Variants in COL13A1 observed in about 807,000 individuals in gnomAD.
The protein encoded by COL13A1 is collagen alpha-1(XIII) chain.
Under a neutral mutation model 130.9 loss-of-function variants are expected in COL13A1, and 89 were observed. The ratio of observed to expected loss-of-function variants is 0.68; its 90% CI spans 0.57 to 0.81. The LOEUF (loss-of-function observed/expected upper bound fraction) is 0.81. Ranked by LOEUF, COL13A1 falls within the 30% of genes least tolerant of loss-of-function variation. The pLI is 0.00. For synonymous variants in COL13A1, 402 were observed against 341.6 expected, an observed-to-expected ratio of 1.18 and a Z score of -1.95; for missense variants, 879 against 934.6, an observed-to-expected ratio of 0.94 and a Z score of 0.78.
chr10:69,902,475 C>G (rs757261909), intron 14 of COL13A1, among the ~76,000 whole-genome samples: 2 of 152,152 alleles, frequency 1.3e-5, no homozygotes, highest in African/African-American at 4.8e-5. Flanking sequence ...CTGCCTCTGC[C>G]CCCCCGCAGA....
chr10:69,824,331 T>G (rs1589257727), intron 2 of COL13A1, among the ~76,000 whole-genome samples: 1 of 152,360 alleles, frequency 6.6e-6, no homozygotes, highest in Non-Finnish European at 1.5e-5. Context: ...GGGGCACATT[T>G]GTGGCCAGGC....
intron 10 of COL13A1, among the ~76,000 whole-genome samples, chr10:69,891,498 C>T (rs949614441): frequency 4.6e-5 from 7 of 152,160 alleles, no homozygotes; most frequent in African/African-American, 1.2e-4. Flanking sequence ...GAAGAGCTGG[C>T]GCTGGAATCC....
chr10:69,894,566 C>T lies in COL13A1; in HGVS notation c.618C>T (p.Pro206=). The T allele has an allele frequency of 1.2e-5, 20 of 1,613,988 alleles. No homozygotes were observed. The highest frequency in any genetic ancestry group is 2.7e-5 in the African/African-American group (2 of 75,042). The change falls in exon 11 of 41, where the codon CCC becomes CCT. Residue 206 remains proline, a synonymous_variant. Coordinates refer to ENST00000645393, the MANE Select transcript of COL13A1 (RefSeq NM_001368882.1). The part of the protein sequence containing the change: ...GPKGDMGLTG[P]PGQPGPQGQK... ...GCTTCCCACAGGGTCTGACGGGTCC[C>T]CCAGGACAGCCGGTTGGTACCTCAT...
intron 38 of COL13A1, 54 bp from the exon 39 acceptor site, chr10:69,952,828 T>A (rs906926367): frequency 3.3e-6 from 4 of 1,217,708 alleles, no homozygotes; most frequent in Non-Finnish European, 4.6e-6. Flanking sequence ...CCTTAACACA[T>A]GAATGATCTT....
intron 17 of COL13A1, among the ~76,000 whole-genome samples, chr10:69,911,716 C>T (rs1197233527): frequency 6.6e-6 from 1 of 152,272 alleles, no homozygotes; most frequent in African/African-American, 2.4e-5. Context: ...TCTGCAGAGT[C>T]TGCAGCAGAG....
chr10:69,837,556 C>G lies in COL13A1; in HGVS notation c.364+15118C>G, dbSNP rs371104048. Among the ~76,000 whole-genome samples the G allele has an allele frequency of 5.3e-5, 8 of 152,212 alleles. 1 individual carries two copies. In the East Asian group the frequency reaches 5.8e-4, roughly 11 times the overall value. On this transcript the variant is annotated intron_variant, in intron 2 of 40. Coordinates refer to ENST00000645393, the MANE Select transcript of COL13A1 (RefSeq NM_001368882.1). ...GAAACTGATTGGACCCTGAAGCCAC[C>G]ACCCACCACACAACTATTTCTAGGG...
In COL13A1 at chr10:69,952,956, C is replaced by A; in HGVS notation, c.2133C>A (p.Ala711=). The A allele has an allele frequency of 3.2e-6, 5 of 1,542,632 alleles. No homozygotes were observed. The highest frequency in any genetic ancestry group is 4.3e-6 in the Non-Finnish European group (5 of 1,151,824). ...ACCAAGGAGCGCCTGGATTAGATGCCCCCTGCCCATTGGTATGTTTTTGTT... is the reference window on the plus strand; with the variant it reads ...ACCAAGGAGCGCCTGGATTAGATGCACCCTGCCCATTGGTATGTTTTTGTT... ...KGDQGAPGLD[A]PCPLGEDGLP... The change falls in exon 39 of 41, where the codon GCC becomes GCA. Residue 711 remains alanine (A), a synonymous_variant. Coordinates refer to ENST00000645393, the MANE Select transcript of COL13A1 (RefSeq NM_001368882.1).
At chr10:69,878,756 C>T (rs1019291788) in intron 6 of COL13A1, among the ~76,000 whole-genome samples, 2 of 152,218 alleles carry the variant, frequency 1.3e-5, no homozygotes, top group African/African-American at 4.8e-5. Flanking sequence ...GCTGGGATTA[C>T]AGGTGTGAGC....
chr10:69,922,314 C>T (rs1204582459), intron 22 of COL13A1, among the ~76,000 whole-genome samples: 2 of 152,156 alleles, frequency 1.3e-5, no homozygotes, highest in African/African-American at 4.8e-5. Flanking sequence ...TCACAGTGCT[C>T]CTCAGCCTGT....
rs541870174 is a variant in COL13A1 at position 69,900,388 on chromosome 10, G to A, written c.750+1626G>A. Among the ~76,000 whole-genome samples the A allele has an allele frequency of 3.3e-5, 5 of 152,286 alleles. 1 individual carries two copies. In the South Asian group the frequency reaches 1.0e-3, roughly 32 times the overall value. ...AAAGGAAGAACTCAAGAGGGGTGCA[G>A]GATTCCATCCAGGCCACTGCATGTT... On this transcript the variant is annotated intron_variant, in intron 14 of 40. Transcript: ENST00000645393.
intron 2 of COL13A1, among the ~76,000 whole-genome samples, chr10:69,847,069 T>C (rs1263655342): frequency 6.6e-6 from 1 of 152,240 alleles, no homozygotes; most frequent in Non-Finnish European, 1.5e-5. Flanking sequence ...TTCTCTATTG[T>C]GTCTCTCTTT....
intron 1 of COL13A1, among the ~76,000 whole-genome samples, chr10:69,820,424 C>T (rs112524730): frequency 5.3e-5 from 8 of 152,324 alleles, no homozygotes; most frequent in African/African-American, 1.7e-4. Context: ...GTCATTTAGC[C>T]GACCTGTGTC....
chr10:69,803,851 T>G (rs1468886131), intron 1 of COL13A1, among the ~76,000 whole-genome samples: 2 of 152,162 alleles, frequency 1.3e-5, no homozygotes, highest in Non-Finnish European at 1.5e-5. Flanking sequence ...AGCACAGCTC[T>G]AACTGTGGTG....
intron 19 of COL13A1, among the ~76,000 whole-genome samples, chr10:69,918,799 C>T (rs1307976974): frequency 6.6e-6 from 1 of 152,216 alleles, no homozygotes; most frequent in East Asian, 1.9e-4. Flanking sequence ...ATTCCTTCCT[C>T]TCTTTCCTCC....
chr10:69,904,523 C>T (rs759107660), intron 15 of COL13A1, among the ~76,000 whole-genome samples: 9 of 152,200 alleles, frequency 5.9e-5, no homozygotes, highest in Non-Finnish European at 8.8e-5. Flanking sequence ...ACAGAGGGCT[C>T]CTCCACTGGC....
intron 17 of COL13A1, among the ~76,000 whole-genome samples, chr10:69,914,251 G>T (rs1358720618): frequency 6.6e-6 from 1 of 152,120 alleles, no homozygotes; most frequent in Non-Finnish European, 1.5e-5. Flanking sequence ...TCCTAGAGCT[G>T]CATTTTTAAC....
rs560299817 is a variant in COL13A1 at position 69,888,521 on chromosome 10, C to T, written c.576+191C>T. On this transcript the variant is annotated intron_variant, in intron 9 of 40. Coordinates refer to ENST00000645393, the MANE Select transcript of COL13A1 (RefSeq NM_001368882.1). ...GACCCCAGTGGCCTTCCCCAGGGCA[C>T]AGGTCCCCAGCTGCTGAGCTTGGCT... Among the ~76,000 whole-genome samples, 153 of 152,332 alleles carry T rather than the reference C, an allele frequency of 1.0e-3. 1 individual carries two copies. Among genetic ancestry groups the T allele is most frequent in the African/African-American group, 3.5e-3 (147 of 41,572 alleles).
chr10:69,842,111 G>A (rs900288004), intron 2 of COL13A1, among the ~76,000 whole-genome samples: 1 of 152,168 alleles, frequency 6.6e-6, no homozygotes, highest in African/African-American at 2.4e-5. Flanking sequence ...TAATTCCCAC[G>A]TGTTGTGAGA....
At chr10:69,859,882 A>AC (rs1218766370) in intron 2 of COL13A1, among the ~76,000 whole-genome samples, 1 of 152,110 alleles carries the variant, frequency 6.6e-6, no homozygotes. Context: ...GCTGACTCCT[A>AC]CTCCAGCCTT....
Sources: allele counts gnomAD v4.1 joint callset (sites outside exome capture counted in the v4.1 genomes callset), GRCh38; gene constraint gnomAD v4.1.1; transcripts MANE v1.5; gene names NCBI Gene and HGNC (gene_info 2026-07-23, HGNC 2026-07-21).